Variants in TNR observed in about 807,000 individuals in gnomAD.
The protein encoded by TNR is tenascin R, also known as tenascin-R.
TNR carries 45 observed loss-of-function variants against 150.4 expected under a neutral mutation model. That is an observed-to-expected ratio of 0.30 (90% CI 0.24 to 0.38). TNR has a LOEUF of 0.38. TNR is among the 10% of genes least tolerant of loss of function. The probability of loss-of-function intolerance (pLI) is 1.00; values close to 1 mark genes in which losing one functional copy is unlikely to be tolerated. For missense variants in TNR, 1,544 were observed against 1,759.1 expected (o/e 0.88, Z 2.19); for synonymous variants, 687 against 678.4 (o/e 1.01, Z -0.20).
chr1:175,440,566 A>C lies in TNR; in HGVS notation c.-63-33789T>G, dbSNP rs528749311. ...AATAAAATAAAGGAAAAAAAAGTGA[A>C]AAAAGAGAAAGAGAGCTCATTGATG... On this transcript the variant is annotated intron_variant, in intron 2 of 22. Coordinates refer to ENST00000367674, the MANE Select transcript of TNR (RefSeq NM_003285.3). Among the ~76,000 whole-genome samples the C allele has an allele frequency of 3.3e-5, 5 of 152,120 alleles. No individual in the cohort carries two copies. The South Asian group carries it at 1.0e-3, about 32-fold the overall frequency.
At chr1:175,332,748 C>T (rs1650008216) in intron 20 of TNR, among the ~76,000 whole-genome samples, 1 of 152,092 alleles carries the variant, frequency 6.6e-6, no homozygotes, top group Non-Finnish European at 1.5e-5. Flanking sequence ...CCTTTCCTTC[C>T]TCCATTCTTC....
At chr1:175,662,804 G>A (rs1413029984) in intron 1 of TNR, among the ~76,000 whole-genome samples, 1 of 152,182 alleles carries the variant, frequency 6.6e-6, no homozygotes, top group Non-Finnish European at 1.5e-5. Context: ...CTCAGGTTGG[G>A]GGTACCCTCA....
chr1:175,613,888 C>T (rs1213881119), intron 1 of TNR, among the ~76,000 whole-genome samples: 1 of 152,144 alleles, frequency 6.6e-6, no homozygotes, highest in Non-Finnish European at 1.5e-5. Context: ...AATCCCATCC[C>T]CTCAATCAGA....
At chr1:175,365,826 G>A in intron 11 of TNR, 49 bp downstream of exon 11, 1 of 1,583,500 alleles carries the variant, frequency 6.3e-7, no homozygotes, top group South Asian at 1.2e-5. Context: ...TTCTCACACT[G>A]AGATCCACTG....
At chr1:175,626,231 G>A (rs1459854644) in intron 1 of TNR, among the ~76,000 whole-genome samples, 4 of 152,134 alleles carry the variant, frequency 2.6e-5, no homozygotes, top group Non-Finnish European at 1.5e-5. Context: ...TATCAGCAGT[G>A]TGAAAATGCA....
chr1:175,587,224 A>G (rs570876511), intron 1 of TNR, among the ~76,000 whole-genome samples: 4 of 152,330 alleles, frequency 2.6e-5, no homozygotes, highest in Admixed American at 6.5e-5. Flanking sequence ...GGCTTAGGAC[A>G]TGTCTAGCAT....
chr1:175,737,672 A>G (rs1221657775), intron 1 of TNR, among the ~76,000 whole-genome samples: 1 of 152,154 alleles, frequency 6.6e-6, no homozygotes, highest in East Asian at 1.9e-4. Context: ...TCCAGATTTA[A>G]ATAACCACAA....
chr1:175,396,911 T>A, intron 4 of TNR, 104 bp from the exon 5 acceptor site: 1 of 1,441,586 alleles, frequency 6.9e-7, no homozygotes, highest in Non-Finnish European at 9.4e-7. Context: ...CATGTCTATA[T>A]GTCCTGCTGG....
chr1:175,650,876 CCT>C (rs1664954220), intron 1 of TNR, among the ~76,000 whole-genome samples: 1 of 93,474 alleles, frequency 1.1e-5, no homozygotes, highest in African/African-American at 4.7e-5. Flanking sequence ...CATTCCTCCT[CCT>C]CCCCACCTCA....
At position 175,528,347 on chromosome 1, in the gene TNR, T is replaced by C. The variant is rs946883717; in HGVS notation, c.-142A>G. ...AATTCCAAAAGAGACCTGCCCTCTATGCAGTTAAAACGATACAGCCACCTG... is the reference window on the plus strand; with the variant it reads ...AATTCCAAAAGAGACCTGCCCTCTACGCAGTTAAAACGATACAGCCACCTG... On this transcript the variant is annotated 5_prime_UTR_variant, in exon 2 of 23. Coordinates refer to ENST00000367674, the MANE Select transcript of TNR (RefSeq NM_003285.3). 1 of 152,210 alleles carries C rather than the reference T, an allele frequency of 6.6e-6. No homozygotes were observed. The highest frequency in any genetic ancestry group is 1.5e-5 in the Non-Finnish European group (1 of 68,038). 9.4% of individuals were successfully genotyped at this position (152,210 alleles called of 1,614,324 possible). A position where few individuals can be genotyped will look rare whatever the true frequency, so the allele number is the denominator to read the frequency against.
chr1:175,500,226 A>T (rs1183862927), intron 2 of TNR, among the ~76,000 whole-genome samples: 1 of 152,220 alleles, frequency 6.6e-6, no homozygotes, highest in Non-Finnish European at 1.5e-5. Flanking sequence ...ACTATGACAC[A>T]TCAGTCACTT....
chr1:175,586,064 G>A (rs182933094), intron 1 of TNR, among the ~76,000 whole-genome samples: 19 of 152,276 alleles, frequency 1.2e-4, no homozygotes, highest in African/African-American at 3.6e-4. Flanking sequence ...ATACAGCATG[G>A]TGTGTCCTAT....
chr1:175,472,785 G>C (rs1458416268), intron 2 of TNR, among the ~76,000 whole-genome samples: 1 of 152,166 alleles, frequency 6.6e-6, no homozygotes, highest in Non-Finnish European at 1.5e-5. Flanking sequence ...GGTTCCATTT[G>C]GGTCCTTGAT....
chr1:175,511,539 A>G (rs1238491369), intron 2 of TNR, among the ~76,000 whole-genome samples: 1 of 152,222 alleles, frequency 6.6e-6, no homozygotes, highest in African/African-American at 2.4e-5. Context: ...TCCCTCTATG[A>G]TGACCCTGTG....
intron 9 of TNR, among the ~76,000 whole-genome samples, chr1:175,372,727 G>A (rs1365039565): frequency 6.6e-6 from 1 of 152,220 alleles, no homozygotes; most frequent in East Asian, 1.9e-4. Context: ...GCAAAAACAT[G>A]AGTAAGATAC....
At chr1:175,698,336 G>A (rs1357517105) in intron 1 of TNR, among the ~76,000 whole-genome samples, 6 of 152,204 alleles carry the variant, frequency 3.9e-5, no homozygotes, top group Non-Finnish European at 8.8e-5. Flanking sequence ...AGGCCAAATC[G>A]AAAGGTGACA....
chr1:175,325,856 C>T (rs1040839279), intron 21 of TNR, among the ~76,000 whole-genome samples: 4 of 150,466 alleles, frequency 2.7e-5, no homozygotes, highest in Admixed American at 2.0e-4. Context: ...CATCACACAC[C>T]AGGGCCTGTT....
At chr1:175,492,856 C>G (rs1426205818) in intron 2 of TNR, among the ~76,000 whole-genome samples, 1 of 152,046 alleles carries the variant, frequency 6.6e-6, no homozygotes. Flanking sequence ...TTTCTAGAAT[C>G]AAAAGTTAAA....
At chr1:175,583,868 G>C (rs192757960) in intron 1 of TNR, among the ~76,000 whole-genome samples, 12 of 152,284 alleles carry the variant, frequency 7.9e-5, no homozygotes, top group Admixed American at 3.3e-4. Flanking sequence ...ATGTGCTGTA[G>C]AGAACTGCAG....
Sources: allele counts gnomAD v4.1 joint callset (sites outside exome capture counted in the v4.1 genomes callset), GRCh38; gene constraint gnomAD v4.1.1; transcripts MANE v1.5; gene names NCBI Gene and HGNC (gene_info 2026-07-23, HGNC 2026-07-21).